KYAT3: variants seen among roughly 807,000 people sequenced by gnomAD.
KYAT3 encodes kynurenine aminotransferase 3.
In KYAT3, 50 loss-of-function variants were observed where a neutral mutation model predicts 59.0. The observed-to-expected ratio is 0.85, with a 90% CI of 0.68 to 1.07. KYAT3 has a LOEUF of 1.07. Ranked by LOEUF, KYAT3 falls within the 50% of genes least tolerant of loss-of-function variation. The pLI is 0.00. For missense variants in KYAT3, 497 were observed against 533.3 expected, an observed-to-expected ratio of 0.93 and a Z score of 0.67; for synonymous variants, 148 against 177.0, an observed-to-expected ratio of 0.84 and a Z score of 1.30.
chr1:88,968,608 C>A, intron 4 of KYAT3, 62 bp downstream of exon 4: 1 of 1,334,878 alleles, frequency 7.5e-7, no homozygotes, highest in Non-Finnish European at 1.0e-6. Flanking sequence ...CATGCACACA[C>A]ACAGACACAC....
intron 2 of KYAT3, among the ~76,000 whole-genome samples, chr1:88,986,460 T>C (rs900130198): frequency 1.3e-5 from 2 of 151,476 alleles, no homozygotes; most frequent in South Asian, 4.2e-4. Context: ...CCAGCTAATG[T>C]TTTGTATGTT....
chr1:88,979,143 G>C (rs1463853003), intron 2 of KYAT3, among the ~76,000 whole-genome samples: 1 of 152,140 alleles, frequency 6.6e-6, no homozygotes, highest in East Asian at 1.9e-4. Flanking sequence ...TGTTACCATG[G>C]GAAAGGCAGA....
chr1:88,952,334 T>A (rs1384544675), intron 10 of KYAT3, among the ~76,000 whole-genome samples: 1 of 152,160 alleles, frequency 6.6e-6, no homozygotes, highest in East Asian at 1.9e-4. Flanking sequence ...ATGGTTTGGA[T>A]CTGTGTCTTC....
chr1:88,981,934 G>A (rs1677110599), intron 2 of KYAT3: 7 of 979,512 alleles, frequency 7.1e-6, no homozygotes, highest in Non-Finnish European at 8.5e-6. Context: ...ATTTGAAAGA[G>A]TAAGAGCAAG....
At chr1:88,983,000 G>A in intron 2 of KYAT3, 1 of 1,613,222 alleles carries the variant, frequency 6.2e-7, no homozygotes, top group Non-Finnish European at 8.5e-7. Context: ...ACCTCCACTT[G>A]GATGATCTGA....
chr1:88,935,183 AG>A (rs1674990925), downstream of KYAT3, among the ~76,000 whole-genome samples: 1 of 147,344 alleles, frequency 6.8e-6, no homozygotes, highest in Admixed American at 6.8e-5. Context: ...TTGTATTTTT[AG>A]TAGACATGGG....
chr1:88,936,350 T>C, intron 13 of KYAT3, 105 bp from the exon 14 acceptor site: 1 of 868,858 alleles, frequency 1.2e-6, no homozygotes, highest in Non-Finnish European at 1.7e-6. Flanking sequence ...GAATATCTGA[T>C]CTCAAGTGAA....
At chr1:88,987,299 C>G (rs568520639) in intron 2 of KYAT3, among the ~76,000 whole-genome samples, 1 of 152,060 alleles carries the variant, frequency 6.6e-6, no homozygotes, top group Non-Finnish European at 1.5e-5. Flanking sequence ...TGGCTTCAAC[C>G]GACTTCTATG....
chr1:88,963,288 GAGA>G (rs964593830), intron 5 of KYAT3, among the ~76,000 whole-genome samples: 29 of 152,208 alleles, frequency 1.9e-4, no homozygotes, highest in African/African-American at 7.0e-4. Flanking sequence ...ACAGAGTGCA[GAGA>G]AAGAAGCAAC....
chr1:88,968,708 C>T lies in KYAT3; in HGVS notation c.265G>A (p.Ala89Thr). ...TYVKEELSKI[A>T]AIDSLNQYTR... ...TACTGATTCAGGCTATCGATTGCTG[C>T]AATCTTTGATAATTCTTCTTTTACA... The change falls in exon 4 of 14, where the codon GCA becomes ACA. Residue 89 changes from alanine to threonine, a missense_variant. Ala to Thr is a moderately conservative substitution (Grantham distance 58). Around this residue, in one of 2 missense-constraint regions of KYAT3, gnomAD observed 469 missense variants for 479.1 expected, o/e 0.98. Transcript: ENST00000260508. 6.3e-7 allele frequency: 1 copy of T among 1,597,036 alleles called. No individual in the cohort carries two copies. The highest frequency in any genetic ancestry group is 1.1e-5 in the South Asian group (1 of 87,328).
At chr1:88,953,589 A>G (rs370389170) in intron 9 of KYAT3, among the ~76,000 whole-genome samples, 2 of 151,418 alleles carry the variant, frequency 1.3e-5, no homozygotes, top group East Asian at 3.9e-4. Flanking sequence ...AAAGTAGTAC[A>G]GTATTAGTAC....
At chr1:88,989,270 T>C (rs1257829711) in intron 1 of KYAT3, among the ~76,000 whole-genome samples, 1 of 152,110 alleles carries the variant, frequency 6.6e-6, no homozygotes, top group Admixed American at 6.5e-5. Context: ...AACCCAGTAG[T>C]ATACAAGAAG....
chr1:88,984,155 A>T, intron 2 of KYAT3: 1 of 292,112 alleles, frequency 3.4e-6, no homozygotes, highest in Non-Finnish European at 6.6e-6. Context: ...AAATGCAATT[A>T]TATTAAGCTC....
chr1:88,941,154 T>C (rs1443136195), intron 13 of KYAT3, among the ~76,000 whole-genome samples: 2 of 152,224 alleles, frequency 1.3e-5, no homozygotes, highest in African/African-American at 4.8e-5. Context: ...TATTTCTCAA[T>C]CCAGTGTAAG....
intron 11 of KYAT3, among the ~76,000 whole-genome samples, chr1:88,947,864 G>A (rs963349750): frequency 1.3e-5 from 2 of 152,154 alleles, no homozygotes; most frequent in East Asian, 1.9e-4. Context: ...TGAGGCAGGT[G>A]GATCACTCAT....
At chr1:88,949,974 G>A (rs12092993) in intron 10 of KYAT3, among the ~76,000 whole-genome samples, 5,699 of 152,194 alleles carry the variant, frequency 0.037, 301 homozygotes, top group African/African-American at 0.12. Flanking sequence ...AGGAGGTGGG[G>A]CCTTTAGGAA....
At chr1:88,978,674 T>TA (rs1009978180) in intron 2 of KYAT3, among the ~76,000 whole-genome samples, 2 of 139,674 alleles carry the variant, frequency 1.4e-5, no homozygotes, top group South Asian at 2.2e-4. Flanking sequence ...ATTTTGTTCT[T>TA]AATTTTTTTT....
intron 2 of KYAT3, among the ~76,000 whole-genome samples, chr1:88,977,837 C>T (rs550367131): frequency 2.0e-5 from 3 of 152,174 alleles, no homozygotes; most frequent in African/African-American, 7.2e-5. Flanking sequence ...TTTTACTGTA[C>T]CTTTTCTATG....
intron 2 of KYAT3, chr1:88,984,165 C>A (rs1570844057): frequency 3.0e-5 from 6 of 201,892 alleles, no homozygotes; most frequent in South Asian, 1.8e-4. Flanking sequence ...ATATTAAGCT[C>A]AAAAGTGTGT....
Sources: allele counts gnomAD v4.1 joint callset (sites outside exome capture counted in the v4.1 genomes callset), GRCh38; gene constraint gnomAD v4.1.1; regional missense constraint gnomAD v4.1.1; transcripts MANE v1.5; gene names NCBI Gene and HGNC (gene_info 2026-07-23, HGNC 2026-07-21).